Variants in COL4A6 observed in about 807,000 individuals in gnomAD.
The protein encoded by COL4A6 is collagen alpha-6(IV) chain.
COL4A6 carries 59 observed loss-of-function variants against 126.7 expected under a neutral mutation model. That is an observed-to-expected ratio of 0.47 (90% CI 0.38 to 0.58). COL4A6 has a LOEUF of 0.58. Among genes scored for constraint, COL4A6 ranks in the 20% least tolerant of loss-of-function variants. COL4A6 has a pLI of 0.00. For synonymous variants in COL4A6, 547 were observed against 496.6 expected (o/e 1.10, Z -1.35); for missense variants, 1,285 against 1,337.3 (o/e 0.96, Z 0.61).
At chrX:108,396,291 C>T (rs768739921) in intron 2 of COL4A6, among the ~76,000 whole-genome samples, 27 of 110,766 alleles carry the variant, frequency 2.4e-4, no homozygotes, top group Non-Finnish European at 4.5e-4. Context: ...TCAGAAACTC[C>T]GTATCCCCCA....
chrX:108,343,165 A>AGTGTGTGTGTGTGT lies in COL4A6; in HGVS notation c.64-32351_64-32338dup, dbSNP rs55685604. Among the ~76,000 whole-genome samples, 306 of 31,333 alleles carry AGTGTGTGTGTGTGT rather than the reference A, an allele frequency of 9.8e-3. 8 individuals are homozygous for AGTGTGTGTGTGTGT. The highest frequency in any genetic ancestry group is 0.026 in the African/African-American group (290 of 10,964). The allele number at this position is 31,333 out of a possible 115,157, so 27.2% of individuals were successfully genotyped here. A position where few individuals can be genotyped will look rare whatever the true frequency, so the allele number is the denominator to read the frequency against. On this transcript the variant is annotated intron_variant, in intron 2 of 44. Coordinates refer to ENST00000334504, the MANE Select transcript of COL4A6 (RefSeq NM_033641.4). ...TATATATATATATATATATATATAT[A>AGTGTGTGTGTGTGT]GTGTGTGTGTGTGTGTGTGTGTGTG...
chrX:108,208,963 A>G (rs2035623861), intron 8 of COL4A6, among the ~76,000 whole-genome samples: 1 of 112,335 alleles, frequency 8.9e-6, no homozygotes, highest in Admixed American at 9.4e-5. Context: ...GTGGACAAAC[A>G]TTGAGCCTTT....
At chrX:108,422,879 A>T (rs1315782779) in intron 2 of COL4A6, among the ~76,000 whole-genome samples, 4 of 111,727 alleles carry the variant, frequency 3.6e-5, no homozygotes, top group Non-Finnish European at 7.5e-5. Flanking sequence ...CCATTCTTCC[A>T]GTAGTCCTAG....
At chrX:108,322,533 T>C (rs779975244) in intron 2 of COL4A6, among the ~76,000 whole-genome samples, 26 of 112,383 alleles carry the variant, frequency 2.3e-4, no homozygotes, top group African/African-American at 8.4e-4. Flanking sequence ...TGAAAAGCTC[T>C]AGCCAGCCAG....
intron 2 of COL4A6, among the ~76,000 whole-genome samples, chrX:108,338,714 T>C (rs1015783908): frequency 8.9e-6 from 1 of 112,037 alleles, no homozygotes. Flanking sequence ...AAAAATGAGA[T>C]TGCACTGTTG....
chrX:108,299,776 G>T (rs894962090), intron 3 of COL4A6, among the ~76,000 whole-genome samples: 1 of 111,909 alleles, frequency 8.9e-6, no homozygotes, highest in Non-Finnish European at 1.9e-5. Context: ...AGGATAAAAG[G>T]TGTAAAGGCT....
At chrX:108,437,912 G>A in intron 2 of COL4A6, 30 bp downstream of exon 2, 3 of 1,207,541 alleles carry the variant, frequency 2.5e-6, no homozygotes, top group Non-Finnish European at 3.4e-6. Flanking sequence ...AAAGGAGGGG[G>A]ACGGAAAAGG....
At chrX:108,214,275 G>C (rs2148236966) in intron 5 of COL4A6, 47 bp from the exon 6 acceptor site, 1 of 970,683 alleles carries the variant, frequency 1.0e-6, no homozygotes, top group East Asian at 3.1e-5. Flanking sequence ...AGGACTGTCA[G>C]CTATTCTAAA....
chrX:108,162,935 G>T lies in COL4A6; in HGVS notation c.4173C>A (p.Gly1391=). The T allele has an allele frequency of 8.3e-7, 1 of 1,200,455 alleles. No individual in the cohort carries two copies. Among genetic ancestry groups the T allele is most frequent in the East Asian group, 3.0e-5 (1 of 32,827 alleles). Residue 1391 remains glycine (G), a synonymous_variant, in exon 41 of 45, where the codon GGC becomes GGA. Transcript: ENST00000334504. ...CTTGAGCCCCAGGGTCCCCAGTGAG[G>T]CCAGGGATGCCATCGATCCCTGGTA... ...LGLPGIDGIP[G]LTGDPGAQGP...
intron 3 of COL4A6, among the ~76,000 whole-genome samples, chrX:108,256,090 G>C (rs1230040805): frequency 1.8e-4 from 20 of 111,538 alleles, no homozygotes; most frequent in Admixed American, 5.7e-4. Context: ...CAGAGTTTTT[G>C]CAAAGAGGAA....
chrX:108,275,632 G>A (rs985394892), intron 3 of COL4A6, among the ~76,000 whole-genome samples: 5 of 112,681 alleles, frequency 4.4e-5, no homozygotes, highest in Admixed American at 9.4e-5. Flanking sequence ...ATTCTAACTG[G>A]GCAATTGGGG....
At chrX:108,198,850 A>G (rs974053925) in intron 13 of COL4A6, among the ~76,000 whole-genome samples, 5 of 110,888 alleles carry the variant, frequency 4.5e-5, no homozygotes, top group Non-Finnish European at 9.5e-5. Context: ...TGACCTACTC[A>G]ATAGTTACCT....
chrX:108,221,427 C>A (rs2036015853), intron 3 of COL4A6, 53 bp from the exon 4 acceptor site: 1 of 1,157,435 alleles, frequency 8.6e-7, no homozygotes, highest in African/African-American at 1.8e-5. Flanking sequence ...AGCATTAATA[C>A]TTCTCATTTT....
intron 42 of COL4A6, 37 bp downstream of exon 42, chrX:108,161,582 C>T (rs1265534569): frequency 4.8e-6 from 3 of 628,655 alleles, no homozygotes; most frequent in East Asian, 7.9e-5. Flanking sequence ...GACCACCATC[C>T]CCGCCCCGCC....
At chrX:108,332,930 T>G (rs2039340748) in intron 2 of COL4A6, among the ~76,000 whole-genome samples, 2 of 111,239 alleles carry the variant, frequency 1.8e-5, no homozygotes, top group Admixed American at 9.6e-5. Flanking sequence ...TTCAGAAGTA[T>G]TTTTCCTAGT....
At chrX:108,304,160 G>A (rs955778900) in intron 3 of COL4A6, among the ~76,000 whole-genome samples, 2 of 111,901 alleles carry the variant, frequency 1.8e-5, no homozygotes, top group Non-Finnish European at 3.8e-5. Context: ...TGTCTCCACA[G>A]CTGTGTATTT....
intron 3 of COL4A6, among the ~76,000 whole-genome samples, chrX:108,281,511 G>A (rs1291401094): frequency 9.2e-6 from 1 of 108,397 alleles, no homozygotes; most frequent in African/African-American, 3.4e-5. Context: ...CAAACAAATG[G>A]AAGAACATTC....
intron 3 of COL4A6, among the ~76,000 whole-genome samples, chrX:108,231,077 CTACATACATACATACA>C (rs112392457): frequency 1.4e-4 from 15 of 105,861 alleles, no homozygotes; most frequent in Middle Eastern, 4.8e-3. Context: ...CCCTTTCCAT[CTACATACATACATACA>C]TACATACATA....
intron 3 of COL4A6, among the ~76,000 whole-genome samples, chrX:108,290,252 C>A (rs2147841687): frequency 8.9e-6 from 1 of 112,009 alleles, no homozygotes; most frequent in South Asian, 3.7e-4. Flanking sequence ...GTTCACTGTG[C>A]TCTCATCCAA....
Sources: allele counts gnomAD v4.1 joint callset (sites outside exome capture counted in the v4.1 genomes callset), GRCh38; gene constraint gnomAD v4.1.1; transcripts MANE v1.5; gene names NCBI Gene and HGNC (gene_info 2026-07-23, HGNC 2026-07-21).